Variants in MPPED2 observed in about 807,000 individuals in gnomAD.
The protein encoded by MPPED2 is metallophosphoesterase MPPED2.
Under a neutral mutation model 33.0 loss-of-function variants are expected in MPPED2, and 5 were observed. The ratio of observed to expected loss-of-function variants is 0.15; its 90% CI spans 0.08 to 0.32. The LOEUF is 0.32. Among genes scored for constraint, MPPED2 ranks in the 10% least tolerant of loss-of-function variants. The pLI, the probability that MPPED2 is intolerant of heterozygous loss-of-function variation, is 1.00. For synonymous variants in MPPED2, 136 were observed against 141.9 expected (o/e 0.96, Z 0.29); for missense variants, 275 against 372.1 (o/e 0.74, Z 2.15).
At position 30,534,772 on chromosome 11, in the gene MPPED2, A is replaced by C. The variant is rs563615306; in HGVS notation, c.310+1222T>G. On this transcript the variant is annotated intron_variant, in intron 3 of 6. Coordinates refer to ENST00000358117, the MANE Select transcript of MPPED2 (RefSeq NM_001584.3). ...AATCAATAGAAACAAAACGACATAC[A>C]CAAACAAAAATGCACATTTCAGTGC... is the stretch of plus-strand genomic sequence containing the variant. 4.3e-4 allele frequency among the ~76,000 whole-genome samples: 66 copies of C among 152,354 alleles called. 1 individual carries two copies. The South Asian group carries it at 0.012, about 27-fold the overall frequency.
At chr11:30,399,939 T>C (rs1466727273) in intron 6 of MPPED2, among the ~76,000 whole-genome samples, 1 of 152,226 alleles carries the variant, frequency 6.6e-6, no homozygotes, top group Non-Finnish European at 1.5e-5. Context: ...ATTTAAAACA[T>C]TTAAAGTATT....
At chr11:30,542,596 C>T (rs1036822975) in intron 2 of MPPED2, among the ~76,000 whole-genome samples, 2 of 151,806 alleles carry the variant, frequency 1.3e-5, no homozygotes, top group Non-Finnish European at 2.9e-5. Context: ...TGCCACTGCA[C>T]TCCAGCCTGG....
In MPPED2 at chr11:30,410,232, T is replaced by C; in HGVS notation, c.*1236A>G. 1 of 985,834 alleles carries C rather than the reference T, an allele frequency of 1.0e-6. No individual in the cohort carries two copies. 61.1% of individuals were successfully genotyped at this position (985,834 alleles called of 1,614,324 possible). On this transcript the variant is annotated 3_prime_UTR_variant, in exon 7 of 7. Transcript: ENST00000358117. ...CCTCTAAACAGCACGAATTTAAAAA[T>C]CTTGCAATTTTATTTGCATATAAAG...
chr11:30,389,916 T>A (rs1947749951), intron 6 of MPPED2, among the ~76,000 whole-genome samples: 1 of 151,964 alleles, frequency 6.6e-6, no homozygotes, highest in Non-Finnish European at 1.5e-5. Flanking sequence ...ATACACAGAG[T>A]TCCCAAGTCC....
At chr11:30,473,409 G>A (rs552928531) in intron 4 of MPPED2, among the ~76,000 whole-genome samples, 17 of 152,182 alleles carry the variant, frequency 1.1e-4, no homozygotes, top group Middle Eastern at 3.4e-3. Flanking sequence ...GCCTCTGTCC[G>A]CCTCATGTAT....
intron 4 of MPPED2, among the ~76,000 whole-genome samples, chr11:30,431,310 A>T (rs1949068480): frequency 6.6e-6 from 1 of 152,218 alleles, no homozygotes; most frequent in Non-Finnish European, 1.5e-5. Context: ...GTAGCACTTA[A>T]CAGTGCAGCT....
At chr11:30,468,830 A>G (rs1950829673) in intron 4 of MPPED2, 1 of 152,218 alleles carries the variant, frequency 6.6e-6, no homozygotes, top group African/African-American at 2.4e-5. Context: ...CTGATCCCCC[A>G]GATTCTTCCA....
intron 3 of MPPED2, chr11:30,501,684 A>G (rs1352074160): frequency 2.3e-6 from 2 of 877,816 alleles, no homozygotes; most frequent in Non-Finnish European, 2.7e-6. Flanking sequence ...TTCTTCTTAG[A>G]ATCAGGTGGG....
chr11:30,481,753 TTTA>T (rs1951498488), intron 4 of MPPED2, among the ~76,000 whole-genome samples: 1 of 152,216 alleles, frequency 6.6e-6, no homozygotes, highest in Admixed American at 6.5e-5. Flanking sequence ...AGGTCTGGGT[TTTA>T]TCATTCAACC....
intron 4 of MPPED2, among the ~76,000 whole-genome samples, chr11:30,440,077 T>A (rs1590271260): frequency 6.6e-6 from 1 of 152,170 alleles, no homozygotes; most frequent in South Asian, 2.1e-4. Flanking sequence ...CACCTATAAT[T>A]CCAGCACTTT....
chr11:30,564,699 CTATT>C (rs1956368649), intron 2 of MPPED2, among the ~76,000 whole-genome samples: 1 of 152,144 alleles, frequency 6.6e-6, no homozygotes, highest in Non-Finnish European at 1.5e-5. Flanking sequence ...TATTACAAAA[CTATT>C]TATTGAAGCC....
chr11:30,484,046 C>A (rs1400413135), intron 4 of MPPED2, among the ~76,000 whole-genome samples: 1 of 152,168 alleles, frequency 6.6e-6, no homozygotes, highest in Non-Finnish European at 1.5e-5. Flanking sequence ...TCTTCTTTTT[C>A]TTTCCTTTAC....
chr11:30,512,141 C>G (rs1476167026), intron 3 of MPPED2, among the ~76,000 whole-genome samples: 6 of 152,180 alleles, frequency 3.9e-5, no homozygotes, highest in Admixed American at 3.3e-4. Context: ...CCTATGAGAA[C>G]TCTATTGTCA....
At chr11:30,434,045 T>C (rs969067240) in intron 4 of MPPED2, among the ~76,000 whole-genome samples, 1 of 152,192 alleles carries the variant, frequency 6.6e-6, no homozygotes, top group African/African-American at 2.4e-5. Context: ...ACTCTCACTC[T>C]GACCCTCCAG....
chr11:30,526,696 T>C (rs910030520), intron 3 of MPPED2, among the ~76,000 whole-genome samples: 1 of 130,296 alleles, frequency 7.7e-6, no homozygotes, highest in African/African-American at 2.7e-5. Context: ...AGAGCAAGAA[T>C]AAATCTCAAA....
chr11:30,457,015 G>A (rs1000194963), intron 4 of MPPED2, among the ~76,000 whole-genome samples: 12 of 152,176 alleles, frequency 7.9e-5, no homozygotes, highest in African/African-American at 2.9e-4. Context: ...GTAAGCTATA[G>A]AGAGAAAATT....
At chr11:30,431,427 T>C (rs549958663) in intron 4 of MPPED2, among the ~76,000 whole-genome samples, 4 of 152,312 alleles carry the variant, frequency 2.6e-5, no homozygotes, top group African/African-American at 9.6e-5. Context: ...AAGATGGAGA[T>C]AATTATATTA....
chr11:30,580,483 C>T lies in MPPED2; in HGVS notation c.-110G>A, dbSNP rs527295584. On this transcript the variant is annotated 5_prime_UTR_variant, in exon 2 of 7. Coordinates refer to ENST00000358117, the MANE Select transcript of MPPED2 (RefSeq NM_001584.3). The stretch of plus-strand genomic sequence containing the variant: ...AATCCAAGGATCTACTCATCAATAC[C>T]GCTGTGCATTTCTGAAAGAAAAAAA... 136 of 1,464,582 alleles carry T rather than the reference C, an allele frequency of 9.3e-5. No homozygotes were observed. Among genetic ancestry groups the T allele is most frequent in the Non-Finnish European group, 1.1e-4 (124 of 1,103,478 alleles). The allele number at this position is 1,464,582 out of a possible 1,614,324, so 90.7% of individuals were successfully genotyped here.
At position 30,536,148 on chromosome 11, in the gene MPPED2, T is replaced by C; in HGVS notation, c.156A>G (p.Pro52=). 3 of 1,610,880 alleles carry C rather than the reference T, an allele frequency of 1.9e-6. No individual in the cohort carries two copies. The highest frequency in any genetic ancestry group is 2.5e-6 in the Non-Finnish European group (3 of 1,178,748). The change falls in exon 3 of 7, where the codon CCA becomes CCG. Residue 52 remains proline (P), a synonymous_variant. Coordinates refer to ENST00000358117, the MANE Select transcript of MPPED2 (RefSeq NM_001584.3). ...HMVDPIPYDT[P]KPAGHTRFVC... is the part of the protein sequence containing the mutation. ...CAAACCGCGTGTGGCCCGCTGGTTT[T>C]GGAGTGTCATATGGGATGGGGTCGA...
Sources: allele counts gnomAD v4.1 joint callset (sites outside exome capture counted in the v4.1 genomes callset), GRCh38; gene constraint gnomAD v4.1.1; transcripts MANE v1.5; gene names NCBI Gene and HGNC (gene_info 2026-07-23, HGNC 2026-07-21).